Variants in SLC2A14 observed in about 807,000 individuals in gnomAD.
SLC2A14 encodes solute carrier family 2 member 14.
In SLC2A14, 13 loss-of-function variants were observed where a neutral mutation model predicts 43.0. The ratio of observed to expected loss-of-function variants is 0.30; its 90% CI spans 0.20 to 0.48. SLC2A14 has a LOEUF of 0.48. SLC2A14 is among the 20% of genes least tolerant of loss of function. The pLI is 0.99. For missense variants in SLC2A14, 428 were observed against 620.4 expected (o/e 0.69, Z 3.29); for synonymous variants, 190 against 233.8 (o/e 0.81, Z 1.71).
intron 2 of SLC2A14, among the ~76,000 whole-genome samples, chr12:7,862,668 G>C (rs922016376): frequency 2.6e-5 from 4 of 152,150 alleles, no homozygotes; most frequent in African/African-American, 9.7e-5. Flanking sequence ...TGGGCACTTG[G>C]AGAACCTTTA....
chr12:7,883,751 T>C (rs1945636618), intron 1 of SLC2A14, among the ~76,000 whole-genome samples: 1 of 149,142 alleles, frequency 6.7e-6, no homozygotes, highest in South Asian at 2.1e-4. Context: ...GCCGGGCTAA[T>C]TTTTTGTGTT....
At position 7,827,605 on chromosome 12, in the gene SLC2A14, G is replaced by T. The variant is rs773344132; in HGVS notation, c.754C>A (p.Gln252Lys). 1.9e-5 allele frequency: 31 copies of T among 1,613,238 alleles called. 1 individual carries two copies. In the South Asian group the frequency reaches 3.2e-4, roughly 17 times the overall value. Residue 252 changes from glutamine to lysine, a missense_variant, in exon 7 of 11, where the codon CAA becomes AAA. Around this residue, in one of 4 missense-constraint regions of SLC2A14, gnomAD observed 185 missense variants for 275.4 expected, o/e 0.67. Transcript: ENST00000431042. ...TCCAGCACGGTGACTTGCTTTTCTT[G>T]TGACATCCTTGCACTCTCATCTTTC... ...EMKDESARMS[Q>K]EKQVTVLELF...
chr12:7,879,455 G>A (rs1257261178), intron 1 of SLC2A14, among the ~76,000 whole-genome samples: 2 of 152,062 alleles, frequency 1.3e-5, no homozygotes, highest in Non-Finnish European at 2.9e-5. Flanking sequence ...GCCAAGGGGA[G>A]CGGATCAACT....
rs772402834 is a variant in SLC2A14, at chr12:7,817,888, G to A, written c.1218C>T (p.Ala406=). The A allele has an allele frequency of 1.9e-5, 30 of 1,614,150 alleles. No individual in the cohort carries two copies. The highest frequency in any genetic ancestry group is 9.9e-5 in the South Asian group (9 of 91,080). Residue 406 remains alanine (A), a synonymous_variant, in exon 10 of 11, where the codon GCC becomes GCT. Coordinates refer to ENST00000431042, the MANE Select transcript of SLC2A14 (RefSeq NM_001286234.2). ...AGTTGGAGGTCCAGTTGGAGCAGCC[G>A]GCCACTGCCATCGCAGCTGGGCGGG... ...QGPRPAAMAV[A]GCSNWTSNFL... is the part of the protein sequence containing the mutation.
chr12:7,823,458 C>T (rs1864096537), intron 7 of SLC2A14, among the ~76,000 whole-genome samples: 1 of 152,018 alleles, frequency 6.6e-6, no homozygotes, highest in African/African-American at 2.4e-5. Context: ...CGCAGTGGCT[C>T]ACGCCTCTAA....
intron 1 of SLC2A14, among the ~76,000 whole-genome samples, chr12:7,884,524 A>G (rs887213170): frequency 1.3e-5 from 2 of 152,078 alleles, no homozygotes; most frequent in African/African-American, 4.8e-5. Context: ...ATAATTCACT[A>G]TTTGGTTGCT....
At chr12:7,821,150 G>T in intron 8 of SLC2A14, 71 bp downstream of exon 8, 1 of 1,153,722 alleles carries the variant, frequency 8.7e-7, no homozygotes, top group South Asian at 1.3e-5. Flanking sequence ...GTGGAGCCAT[G>T]CAATCCATCT....
chr12:7,862,923 C>T (rs1304144067), intron 2 of SLC2A14, among the ~76,000 whole-genome samples: 1 of 152,030 alleles, frequency 6.6e-6, no homozygotes, highest in East Asian at 1.9e-4. Flanking sequence ...CACCAATCAG[C>T]CCCCTGACAA....
chr12:7,864,962 C>T (rs951979494), intron 2 of SLC2A14, among the ~76,000 whole-genome samples: 4 of 152,162 alleles, frequency 2.6e-5, no homozygotes, highest in African/African-American at 9.7e-5. Context: ...CCTGACCACA[C>T]TACAGGTATA....
intron 2 of SLC2A14, among the ~76,000 whole-genome samples, chr12:7,844,229 T>C (rs146571849): frequency 1.3e-5 from 2 of 152,296 alleles, no homozygotes; most frequent in East Asian, 3.9e-4. Context: ...TCTTGACCTT[T>C]AAATGGAACC....
At chr12:7,824,404 C>T (rs947945185) in intron 7 of SLC2A14, among the ~76,000 whole-genome samples, 2 of 151,976 alleles carry the variant, frequency 1.3e-5, no homozygotes, top group African/African-American at 4.8e-5. Context: ...ACAATGTCTA[C>T]ACATCAAAAA....
chr12:7,853,429 C>A (rs1328624214), intron 2 of SLC2A14, among the ~76,000 whole-genome samples: 456 of 84,270 alleles, frequency 5.4e-3, no homozygotes, highest in African/African-American at 0.012. Flanking sequence ...GACTCCATTT[C>A]AAAAAAAAAA....
intron 4 of SLC2A14, 88 bp downstream of exon 4, chr12:7,831,516 G>A: frequency 6.4e-7 from 1 of 1,552,268 alleles, no homozygotes; most frequent in Non-Finnish European, 8.7e-7. Flanking sequence ...TTATTCAAAG[G>A]CATCATCACC....
In SLC2A14 at chr12:7,826,986, T is replaced by TTCTCTCTCTTTCTCTCCTTTC. The variant is rs34824750; in HGVS notation, c.864+508_864+509insGAAAGGAGAGAAAGAGAGAGA. On this transcript the variant is annotated intron_variant, in intron 7 of 10. Transcript: ENST00000431042. ...CTCTTTCTCTCTCTCTTTCTCTCCT[T>TTCTCTCTCTTTCTCTCCTTTC]TCTCTCTTTCTCTCCTTTCTCTCTC... Among the ~76,000 whole-genome samples, 617 of 106,686 alleles carry TTCTCTCTCTTTCTCTCCTTTC rather than the reference T, an allele frequency of 5.8e-3. 37 individuals carry two copies. Among genetic ancestry groups the TTCTCTCTCTTTCTCTCCTTTC allele is most frequent in the African/African-American group, 0.019 (579 of 30,114 alleles). 70.0% of individuals were successfully genotyped at this position (106,686 alleles called of 152,430 possible). A position where few individuals can be genotyped will look rare whatever the true frequency, so the allele number is the denominator to read the frequency against.
At chr12:7,820,958 A>G (rs1001297644) in intron 8 of SLC2A14, among the ~76,000 whole-genome samples, 5 of 151,986 alleles carry the variant, frequency 3.3e-5, no homozygotes, top group African/African-American at 7.2e-5. Flanking sequence ...GTGGTGGCGC[A>G]CACCTGTATC....
chr12:7,863,815 CTTTTTTTCTTT>C (rs750707431), intron 2 of SLC2A14, among the ~76,000 whole-genome samples: 7 of 91,036 alleles, frequency 7.7e-5, no homozygotes, highest in Admixed American at 2.8e-4. Context: ...CCTTTTTTTT[CTTTTTTTCTTT>C]TTTTTTTTTG....
At chr12:7,884,383 ATATT>A (rs1270655000) in intron 1 of SLC2A14, among the ~76,000 whole-genome samples, 2 of 152,054 alleles carry the variant, frequency 1.3e-5, no homozygotes, top group South Asian at 2.1e-4. Context: ...TTTAAGTATA[ATATT>A]TATTTATTTT....
At chr12:7,881,586 G>A (rs1402987039) in intron 1 of SLC2A14, among the ~76,000 whole-genome samples, 3 of 152,152 alleles carry the variant, frequency 2.0e-5, no homozygotes, top group Non-Finnish European at 4.4e-5. Context: ...GTGGGCTCCT[G>A]AGCCTCCCCG....
At chr12:7,875,461 T>C (rs905922195), upstream of SLC2A14, among the ~76,000 whole-genome samples, 1 of 150,774 alleles carries the variant, frequency 6.6e-6, no homozygotes, top group African/African-American at 2.4e-5. Context: ...TCAGCCAAGA[T>C]TGCACCACTG....
Sources: allele counts gnomAD v4.1 joint callset (sites outside exome capture counted in the v4.1 genomes callset), GRCh38; gene constraint gnomAD v4.1.1; regional missense constraint gnomAD v4.1.1; transcripts MANE v1.5; gene names NCBI Gene and HGNC (gene_info 2026-07-23, HGNC 2026-07-21).